Variants in ACO1 observed in about 807,000 individuals in gnomAD.
ACO1 encodes cytoplasmic aconitate hydratase.
In ACO1, 78 loss-of-function variants were observed where a neutral mutation model predicts 105.1. The ratio of observed to expected loss-of-function variants is 0.74; its 90% CI spans 0.62 to 0.90. ACO1 has a LOEUF of 0.90. ACO1 is among the 40% of genes least tolerant of loss of function. The probability of loss-of-function intolerance (pLI) is 0.00; values close to 1 mark genes in which losing one functional copy is unlikely to be tolerated. For missense variants in ACO1, 965 were observed against 1,111.1 expected, an observed-to-expected ratio of 0.87 and a Z score of 1.87; for synonymous variants, 364 against 397.4, an observed-to-expected ratio of 0.92 and a Z score of 1.00.
intron 1 of ACO1, among the ~76,000 whole-genome samples, chr9:32,385,681 T>G (rs568888824): frequency 6.6e-6 from 1 of 152,380 alleles, no homozygotes; most frequent in East Asian, 1.9e-4. Context: ...TTCTGATAGC[T>G]GCTTCTGCAG....
At chr9:32,400,561 A>G (rs986303061) in intron 1 of ACO1, among the ~76,000 whole-genome samples, 1 of 152,218 alleles carries the variant, frequency 6.6e-6, no homozygotes, top group Admixed American at 6.5e-5. Context: ...TATAGTCACA[A>G]ATTTAAATAC....
In ACO1 at chr9:32,439,559, T is replaced by TACAA. The variant is rs1161851088; in HGVS notation, c.2248-905_2248-904insCAAA. Reference sequence around the variant, plus strand: ...TTTGTAAAGTCTCAGTTCAGTGAGATATTCAGATTCCCTGTGAGAAACAAA... The same window carrying TACAA: ...TTTGTAAAGTCTCAGTTCAGTGAGATACAAATTCAGATTCCCTGTGAGAAACAAA... On this transcript the variant is annotated intron_variant, in intron 18 of 20. Coordinates refer to ENST00000309951, the MANE Select transcript of ACO1 (RefSeq NM_002197.3). The surrounding 1 kb of genome is among the most constrained non-coding windows in gnomAD (Gnocchi z 4.0). Among the ~76,000 whole-genome samples the TACAA allele has an allele frequency of 6.6e-6, 1 of 152,258 alleles. No individual in the cohort carries two copies.
chr9:32,391,301 A>T (rs567626097), intron 1 of ACO1, among the ~76,000 whole-genome samples: 1 of 152,218 alleles, frequency 6.6e-6, no homozygotes, highest in South Asian at 2.1e-4. Context: ...TTAAGAATCA[A>T]TTGGAAACCA....
intron 4 of ACO1, among the ~76,000 whole-genome samples, chr9:32,410,436 T>C (rs1821713849): frequency 6.6e-6 from 1 of 152,070 alleles, no homozygotes; most frequent in Non-Finnish European, 1.5e-5. Context: ...GGTGGGCACC[T>C]GTAGTCCCAG....
chr9:32,447,590 G>T (rs1319134365), intron 19 of ACO1, among the ~76,000 whole-genome samples: 1 of 152,130 alleles, frequency 6.6e-6, no homozygotes, highest in African/African-American at 2.4e-5. Flanking sequence ...CTCATTCACC[G>T]TCTAGTTTTG....
chr9:32,428,031 T>C (rs1356827711), intron 12 of ACO1, among the ~76,000 whole-genome samples: 4 of 152,028 alleles, frequency 2.6e-5, no homozygotes, highest in African/African-American at 4.8e-5. Context: ...TATCAGTGCT[T>C]TGGGAGGCCA....
chr9:32,409,597 TC>T (rs1399735441), intron 4 of ACO1, among the ~76,000 whole-genome samples: 4 of 152,184 alleles, frequency 2.6e-5, no homozygotes, highest in Non-Finnish European at 5.9e-5. Flanking sequence ...ATGCCTGTAA[TC>T]CCAGCACTTT....
At chr9:32,445,551 A>G (rs1232239697) in intron 19 of ACO1, 3 of 266,616 alleles carry the variant, frequency 1.1e-5, no homozygotes, top group Admixed American at 4.6e-5. Flanking sequence ...GATCTTTTCA[A>G]AAAACCAGCT....
Position 32,411,556 on chromosome 9 carries a change from G to A in ACO1, c.404+2905G>A, listed in dbSNP as rs1205358319. On this transcript the variant is annotated intron_variant, in intron 4 of 20. Transcript: ENST00000309951. ...TATAATCCATTTAGAAAAATAATAG[G>A]TCCCTGAAGATAAATGGGCAAAGGA... 2.0e-5 allele frequency among the ~76,000 whole-genome samples: 3 copies of A among 152,104 alleles called. No individual in the cohort carries two copies. In the East Asian group the frequency reaches 5.8e-4, roughly 29 times the overall value.
chr9:32,431,645 C>T (rs540486146), intron 14 of ACO1, 74 bp from the exon 15 acceptor site: 104 of 1,534,530 alleles, frequency 6.8e-5, no homozygotes, highest in African/African-American at 4.5e-4. Context: ...CCGAGGAGAA[C>T]GAGGCTTGAC....
In ACO1 at chr9:32,423,372, A is replaced by G. The variant is rs146778663; in HGVS notation, c.1024A>G (p.Met342Val). The change falls in exon 9 of 21, where the codon ATG becomes GTG. Residue 342 changes from methionine (M) to valine (V), a missense_variant. Met to Val is a conservative substitution (Grantham distance 21, BLOSUM62 1). Transcript: ENST00000309951. ...TAAAAAATATCTTCAGGCTGTAGGA[A>G]TGTTTCGAGATTTCAATGACCCTTC... ...YIKKYLQAVG[M>V]FRDFNDPSQD... 64 of 1,597,578 alleles carry G rather than the reference A, an allele frequency of 4.0e-5. No individual in the cohort carries two copies. The Middle Eastern group carries it at 1.5e-3, about 37-fold the overall frequency.
intron 17 of ACO1, among the ~76,000 whole-genome samples, chr9:32,435,233 G>A (rs753222225): frequency 6.6e-6 from 1 of 152,152 alleles, no homozygotes; most frequent in African/African-American, 2.4e-5. Context: ...CGAGAATCAC[G>A]TGAGGACATA....
At chr9:32,406,704 G>A (rs563601703) in intron 2 of ACO1, among the ~76,000 whole-genome samples, 6 of 152,176 alleles carry the variant, frequency 3.9e-5, no homozygotes, top group Non-Finnish European at 8.8e-5. Flanking sequence ...GTCTGTTGTT[G>A]GAATCCAGGA....
intron 15 of ACO1, among the ~76,000 whole-genome samples, chr9:32,433,056 G>A (rs1162952459): frequency 1.3e-5 from 2 of 152,106 alleles, no homozygotes; most frequent in African/African-American, 4.8e-5. Context: ...ATGGTAGCTG[G>A]CTTCCATCAG....
chr9:32,441,984 A>C (rs973236029), intron 19 of ACO1, among the ~76,000 whole-genome samples: 1 of 152,196 alleles, frequency 6.6e-6, no homozygotes, highest in Non-Finnish European at 1.5e-5. Context: ...CCTCCCTAGA[A>C]TACATCCATC....
Position 32,453,207 on chromosome 9 carries a change from A to G in ACO1, c.*3096A>G, listed in dbSNP as rs1411924782. 1 of 151,888 alleles carries G rather than the reference A, an allele frequency of 6.6e-6. No individual in the cohort carries two copies. The allele number at this position is 151,888 out of a possible 1,614,324, so 9.4% of individuals were successfully genotyped here. On this transcript the variant is annotated 3_prime_UTR_variant, in exon 21 of 21. Coordinates refer to ENST00000309951, the MANE Select transcript of ACO1 (RefSeq NM_002197.3). Reference sequence around the variant, plus strand: ...TCCGCAGCAAGCTAAGAGTTAGTTAATATTTTTAATATAGCAAATAAGGAT... The same window carrying G: ...TCCGCAGCAAGCTAAGAGTTAGTTAGTATTTTTAATATAGCAAATAAGGAT...
chr9:32,401,639 C>T (rs72561736), intron 1 of ACO1, among the ~76,000 whole-genome samples: 3 of 152,320 alleles, frequency 2.0e-5, no homozygotes, highest in African/African-American at 7.2e-5. Flanking sequence ...CTCCAAGGCA[C>T]CTGCAAGTGT....
intron 1 of ACO1, among the ~76,000 whole-genome samples, chr9:32,396,897 TAACC>T (rs1821384470): frequency 6.6e-6 from 1 of 152,178 alleles, no homozygotes; most frequent in African/African-American, 2.4e-5. Flanking sequence ...TTTAGATCGT[TAACC>T]AACCTTATTT....
At chr9:32,385,693 CTG>C (rs1821144054) in intron 1 of ACO1, among the ~76,000 whole-genome samples, 1 of 152,204 alleles carries the variant, frequency 6.6e-6, no homozygotes. Flanking sequence ...CTTCTGCAGT[CTG>C]TTGCAATATC....
Sources: allele counts gnomAD v4.1 joint callset (sites outside exome capture counted in the v4.1 genomes callset), GRCh38; gene constraint gnomAD v4.1.1; non-coding constraint Gnocchi (gnomAD v3.1); transcripts MANE v1.5; gene names NCBI Gene and HGNC (gene_info 2026-07-23, HGNC 2026-07-21).